PLCB1: variants seen among roughly 807,000 people sequenced by gnomAD.
The protein encoded by PLCB1 is 1-phosphatidylinositol 4,5-bisphosphate phosphodiesterase beta-1.
PLCB1 carries 46 observed loss-of-function variants against 161.8 expected under a neutral mutation model. That is an observed-to-expected ratio of 0.28 (90% confidence interval 0.22 to 0.36). PLCB1 has a LOEUF of 0.36. PLCB1 is among the 10% of genes least tolerant of loss of function. The pLI is 1.00. For synonymous variants in PLCB1, 517 were observed against 503.7 expected (o/e 1.03, Z -0.35); for missense variants, 1,016 against 1,472.5 (o/e 0.69, Z 5.07).
intron 2 of PLCB1, among the ~76,000 whole-genome samples, chr20:8,356,026 C>T (rs567090075): frequency 1.3e-5 from 2 of 152,194 alleles, no homozygotes; most frequent in South Asian, 2.1e-4. Flanking sequence ...AAGTGAGACT[C>T]CATAGTGTCC....
intron 31 of PLCB1, among the ~76,000 whole-genome samples, chr20:8,828,575 A>T (rs1985827485): frequency 6.6e-6 from 1 of 152,216 alleles, no homozygotes; most frequent in Non-Finnish European, 1.5e-5. Flanking sequence ...ACAGGCTTAA[A>T]TACATGCAAG....
chr20:8,432,501 A>G (rs1407928794), intron 3 of PLCB1, among the ~76,000 whole-genome samples: 2 of 152,176 alleles, frequency 1.3e-5, no homozygotes, highest in Admixed American at 6.5e-5. Context: ...TCTAGACCCT[A>G]TCTCCAACTA....
chr20:8,779,311 CAG>C (rs1372456096), intron 27 of PLCB1, among the ~76,000 whole-genome samples: 5 of 151,864 alleles, frequency 3.3e-5, no homozygotes, highest in Non-Finnish European at 1.5e-5. Flanking sequence ...CACACACACT[CAG>C]GGGATGTGTA....
intron 3 of PLCB1, among the ~76,000 whole-genome samples, chr20:8,559,850 A>G (rs917334204): frequency 6.6e-6 from 1 of 151,978 alleles, no homozygotes; most frequent in Non-Finnish European, 1.5e-5. Context: ...AATTCAGTTT[A>G]ATTTACCTCT....
intron 3 of PLCB1, among the ~76,000 whole-genome samples, chr20:8,426,380 G>A (rs1041966154): frequency 3.9e-5 from 6 of 152,206 alleles, no homozygotes; most frequent in African/African-American, 1.4e-4. Flanking sequence ...CCGACCACGC[G>A]CACTGGTTTT....
At chr20:8,257,962 A>G (rs1981510452) in intron 2 of PLCB1, among the ~76,000 whole-genome samples, 1 of 152,004 alleles carries the variant, frequency 6.6e-6, no homozygotes, top group Non-Finnish European at 1.5e-5. Flanking sequence ...TGTCCATGAG[A>G]CTCGTTTATT....
At chr20:8,289,694 A>G (rs924552100) in intron 2 of PLCB1, among the ~76,000 whole-genome samples, 1 of 152,108 alleles carries the variant, frequency 6.6e-6, no homozygotes, top group African/African-American at 2.4e-5. Context: ...AGTAAAGACA[A>G]TGCATCCCTC....
chr20:8,740,310 A>G (rs749973805), intron 21 of PLCB1, 34 bp from the exon 22 acceptor site: 4 of 1,128,640 alleles, frequency 3.5e-6, no homozygotes, highest in South Asian at 2.7e-5. Context: ...TGGAAAGGAA[A>G]TATGTGCTAC....
At chr20:8,459,452 G>C (rs923120350) in intron 3 of PLCB1, among the ~76,000 whole-genome samples, 9 of 152,132 alleles carry the variant, frequency 5.9e-5, no homozygotes, top group Non-Finnish European at 1.2e-4. Context: ...CTTTATTGGT[G>C]TTACCAGGTA....
At chr20:8,548,717 C>G (rs1985661647) in intron 3 of PLCB1, among the ~76,000 whole-genome samples, 1 of 151,890 alleles carries the variant, frequency 6.6e-6, no homozygotes, top group African/African-American at 2.4e-5. Flanking sequence ...TAACTCTAGG[C>G]TGTAAGCTCC....
chr20:8,563,124 A>G (rs1215457652), intron 3 of PLCB1, among the ~76,000 whole-genome samples: 5 of 152,066 alleles, frequency 3.3e-5, no homozygotes, highest in Admixed American at 2.0e-4. Flanking sequence ...AAAGTAGCCA[A>G]TTTGGAAAAT....
At chr20:8,145,086 G>A (rs2051440239) in intron 1 of PLCB1, among the ~76,000 whole-genome samples, 1 of 152,128 alleles carries the variant, frequency 6.6e-6, no homozygotes, top group Admixed American at 6.6e-5. Context: ...ACCATAGCCT[G>A]GGTGGATTAC....
intron 3 of PLCB1, among the ~76,000 whole-genome samples, chr20:8,621,688 C>A (rs1186048174): frequency 6.6e-6 from 1 of 152,168 alleles, no homozygotes; most frequent in Non-Finnish European, 1.5e-5. Flanking sequence ...GCCAATTGAA[C>A]TATTTGCACT....
intron 24 of PLCB1, 151 bp from the exon 25 acceptor site, chr20:8,760,256 A>G (rs943931879): frequency 1.7e-6 from 1 of 579,520 alleles, no homozygotes; most frequent in Non-Finnish European, 3.1e-6. Flanking sequence ...AAGACTTTTT[A>G]AGAATAATTT....
At chr20:8,644,483 C>T (rs1451736467) in intron 4 of PLCB1, among the ~76,000 whole-genome samples, 28 of 151,734 alleles carry the variant, frequency 1.8e-4, no homozygotes, top group African/African-American at 5.1e-4. Flanking sequence ...TCTGCCCAGC[C>T]GCGACCCCGT....
chr20:8,386,731 C>G (rs548588579), intron 3 of PLCB1, among the ~76,000 whole-genome samples: 20 of 152,198 alleles, frequency 1.3e-4, no homozygotes, highest in Non-Finnish European at 2.4e-4. Flanking sequence ...CATCTTCCAA[C>G]AGAAGGCTGT....
At chr20:8,596,877 G>A (rs1441458011) in intron 3 of PLCB1, among the ~76,000 whole-genome samples, 10 of 152,142 alleles carry the variant, frequency 6.6e-5, no homozygotes, top group African/African-American at 1.7e-4. Flanking sequence ...GTGAATGGGA[G>A]TTCACTCATG....
chr20:8,448,217 A>G (rs1056256505), intron 3 of PLCB1, among the ~76,000 whole-genome samples: 4 of 152,208 alleles, frequency 2.6e-5, no homozygotes, highest in African/African-American at 9.6e-5. Context: ...TTGAGCAGGA[A>G]AAGAAACTTC....
intron 2 of PLCB1, 117 bp downstream of exon 2, chr20:8,150,488 A>G: frequency 2.0e-6 from 1 of 496,706 alleles, no homozygotes; most frequent in Non-Finnish European, 3.6e-6. Context: ...AGTTTATTTA[A>G]AGGTTCTACT....
Sources: gnomAD v4.1 joint callset for allele counts (sites outside exome capture counted in the v4.1 genomes callset) on GRCh38, gnomAD v4.1.1 for gene constraint, MANE v1.5 for transcripts, NCBI Gene and HGNC (gene_info 2026-07-23, HGNC 2026-07-21) for gene names.